ZNF132: variants seen among roughly 807,000 people sequenced by gnomAD.
ZNF132 encodes the protein zinc finger protein 132, also known as zinc finger protein 132 (clone pHZ-12).
Under a neutral mutation model 9.3 loss-of-function variants are expected in ZNF132, and 6 were observed. The observed-to-expected ratio is 0.65, with a 90% confidence interval of 0.35 to 1.28. The LOEUF is 1.28. Among genes scored for constraint, ZNF132 ranks in the 50% most tolerant of loss-of-function variants. The pLI is 0.03. For synonymous variants in ZNF132, 296 were observed against 292.0 expected (o/e 1.01, Z -0.14); for missense variants, 877 against 843.2 (o/e 1.04, Z -0.50).
Position 58,433,645 on chromosome 19 carries a change from T to G in ZNF132, c.1799A>C (p.Lys600Thr). The change falls in exon 3 of 3, where the codon AAA (lysine) becomes ACA (threonine). Residue 600 changes from lysine (K) to threonine (T), a missense_variant. Physicochemically the swap from Lys to Thr is moderately conservative, Grantham distance 78. Transcript: ENST00000254166. The part of the protein sequence containing the change: ...QKVHTGEKPY[K>T]CSECGKFFSR... ...AAAGAATTTCCCACATTCACTGCAT[T>G]TATAAGGCTTTTCTCCAGTATGAAC... 2 of 1,614,164 alleles carry G rather than the reference T, an allele frequency of 1.2e-6. No homozygotes were observed. Among genetic ancestry groups the G allele is most frequent in the Non-Finnish European group, 1.7e-6 (2 of 1,180,018 alleles).
At position 58,434,470 on chromosome 19, in the gene ZNF132, C is replaced by T; in HGVS notation, c.974G>A (p.Gly325Glu). 2 of 1,614,182 alleles carry T rather than the reference C, an allele frequency of 1.2e-6. No homozygotes were observed. ...TGTGAGTTTGTGGTTGAAGGTTTTC[C>T]CACATGCAATGCACTCATAATATTT... The part of the protein sequence containing the change: ...EVKYYECIAC[G>E]KTFNHKLTFV... The change falls in exon 3 of 3, where the codon GGG (glycine) becomes GAG (glutamate). Residue 325 changes from glycine (G) to glutamate (E), a missense_variant. Physicochemically the swap from Gly to Glu is moderately conservative, Grantham distance 98. Transcript: ENST00000254166.
At chr19:58,435,261 G>C (rs140091646) in intron 2 of ZNF132, 50 bp from the exon 3 acceptor site, 2 of 1,560,800 alleles carry the variant, frequency 1.3e-6, no homozygotes, top group African/African-American at 1.4e-5. Flanking sequence ...TGGTGGGAAT[G>C]GTTGACTTCA....
At chr19:58,437,720 G>A (rs2052780924) in intron 1 of ZNF132, 5 of 985,260 alleles carry the variant, frequency 5.1e-6, no homozygotes, top group Non-Finnish European at 6.0e-6. Flanking sequence ...CATGCACATG[G>A]CATACCTGAC....
Position 58,437,218 on chromosome 19 carries a change from G to GA in ZNF132, c.64-4dup. The GA allele has an allele frequency of 6.3e-7, 1 of 1,582,564 alleles. No homozygotes were observed. Among genetic ancestry groups the GA allele is most frequent in the Non-Finnish European group, 8.6e-7 (1 of 1,166,252 alleles). Reference sequence around the variant, plus strand: ...GAGCCACAGGGCCAAGAAGTATGCTGACAAAGAAACAAACAATTGGTCAAA... The same window carrying GA: ...GAGCCACAGGGCCAAGAAGTATGCTGAACAAAGAAACAAACAATTGGTCAAA... On this transcript the variant is annotated splice_region_variant and splice_polypyrimidine_tract_variant and intron_variant, in intron 1 of 2. Coordinates refer to ENST00000254166, the MANE Select transcript of ZNF132 (RefSeq NM_003433.4).
chr19:58,436,871 G>T, intron 2 of ZNF132, 176 bp downstream of exon 2: 2 of 883,140 alleles, frequency 2.3e-6, no homozygotes, highest in African/African-American at 1.6e-5. Context: ...TCATGAGGCT[G>T]CTCAGAGAGA....
Position 58,435,218 on chromosome 19 carries a change from G to A in ZNF132, c.233-7C>T, listed in dbSNP as rs748954844. ...TCTACTCCATGCCAAGAACCTGAAA[G>A]TAGAGAAATGCCAGTTAACTAAGAA... On this transcript the variant is annotated splice_polypyrimidine_tract_variant and splice_region_variant and intron_variant, in intron 2 of 2. Coordinates refer to ENST00000254166, the MANE Select transcript of ZNF132 (RefSeq NM_003433.4). 9 of 1,596,864 alleles carry A rather than the reference G, an allele frequency of 5.6e-6. No homozygotes were observed. The highest frequency in any genetic ancestry group is 7.7e-6 in the Non-Finnish European group (9 of 1,171,300).
Position 58,433,907 on chromosome 19 carries a change from T to C in ZNF132, c.1537A>G (p.Arg513Gly), listed in dbSNP as rs2052757223. ...CTACATTCGCTGCACTCATAAGGCC[T>C]TTGCCCAGTATGTACTTTCTGGTGC... Reference protein sequence around the residue: ...IQHQKVHTGQRPYECSECRKS... With the variant: ...IQHQKVHTGQGPYECSECRKS... Residue 513 changes from arginine (R) to glycine (G), a missense_variant, in exon 3 of 3, where the codon AGG (arginine) becomes GGG (glycine). By Grantham distance (125) the Arg-to-Gly change is moderately radical. Transcript: ENST00000254166. The C allele has an allele frequency of 1.2e-6, 2 of 1,614,078 alleles. No individual in the cohort carries two copies. Among genetic ancestry groups the C allele is most frequent in the African/African-American group, 2.7e-5 (2 of 74,926 alleles).
rs1281344401 is a variant in ZNF132, at chr19:58,434,488, T to G, written c.956A>C (p.Tyr319Ser). ...GGTTTTCCCACATGCAATGCACTCA[T>G]AATATTTTACTTCAGTGTGAAATTT... ...HQKFHTEVKY[Y>S]ECIACGKTFN... Residue 319 changes from tyrosine to serine, a missense_variant, in exon 3 of 3, where the codon TAT (tyrosine) becomes TCT (serine). Coordinates refer to ENST00000254166, the MANE Select transcript of ZNF132 (RefSeq NM_003433.4). 1 of 1,614,212 alleles carries G rather than the reference T, an allele frequency of 6.2e-7. No homozygotes were observed. The highest frequency in any genetic ancestry group is 1.7e-5 in the Admixed American group (1 of 60,030).
rs1568597270 is a variant in ZNF132 at position 58,434,859 on chromosome 19, C to A, written c.585G>T (p.Arg195Ser). The change falls in exon 3 of 3, where the codon AGG (arginine) becomes AGT (serine). Residue 195 changes from arginine to serine, a missense_variant. Transcript: ENST00000254166. ...VHLSENPFTC[R>S]EGGKVILGSC... ...TGCCCAGGATGACCTTCCCACCTTCCCTGCAAGTGAAGGGGTTCTCTGACA... is the reference window on the plus strand; with the variant it reads ...TGCCCAGGATGACCTTCCCACCTTCACTGCAAGTGAAGGGGTTCTCTGACA... 6 of 1,614,144 alleles carry A rather than the reference C, an allele frequency of 3.7e-6. No homozygotes were observed. The highest frequency in any genetic ancestry group is 5.1e-6 in the Non-Finnish European group (6 of 1,180,012).
At position 58,433,411 on chromosome 19, in the gene ZNF132, G is replaced by C. The variant is rs78565560; in HGVS notation, c.2033C>G (p.Thr678Ser). The C allele has an allele frequency of 5.6e-6, 9 of 1,614,136 alleles. No individual in the cohort carries two copies. Among genetic ancestry groups the C allele is most frequent in the Non-Finnish European group, 7.6e-6 (9 of 1,180,036 alleles). The change falls in exon 3 of 3, where the codon ACC becomes AGC. Residue 678 changes from threonine to serine, a missense_variant. Transcript: ENST00000254166. ...GCTACACTCATAAGTCCTTTCTCTG[G>C]TGTGAACTTTCTGGTGCCGAACAAG... is the stretch of plus-strand genomic sequence containing the variant. ...STLVRHQKVH[T>S]RERTYECSQC...
At position 58,434,606 on chromosome 19, in the gene ZNF132, C is replaced by G. The variant is rs774869615; in HGVS notation, c.838G>C (p.Gly280Arg). Residue 280 changes from glycine to arginine, a missense_variant, in exon 3 of 3, where the codon GGT becomes CGT. Transcript: ENST00000254166. The stretch of plus-strand genomic sequence containing the variant: ...TCCCCAGTGTGAAACTTTTTATTAC[C>G]AAGGATTGATTTCTCCTCTAAGAAA... ...GNFLEEKSIL[G>R]NKKFHTGEIP... 2 of 1,613,968 alleles carry G rather than the reference C, an allele frequency of 1.2e-6. No individual in the cohort carries two copies. The highest frequency in any genetic ancestry group is 2.2e-5 in the East Asian group (1 of 44,906).
rs1315126534 is a variant in ZNF132 at position 58,436,661 on chromosome 19, C to A, written c.232+386G>T. ...CCAGCCTGGGGGACAGAGCAAGACT[C>A]CATCTCAAAAAAAAAAAAAAAAAAA... On this transcript the variant is annotated intron_variant, in intron 2 of 2. Transcript: ENST00000254166. Among the ~76,000 whole-genome samples, 4 of 127,726 alleles carry A rather than the reference C, an allele frequency of 3.1e-5. No homozygotes were observed. In the Admixed American group the frequency reaches 3.5e-4, roughly 11 times the overall value. 83.8% of individuals were successfully genotyped at this position (127,726 alleles called of 152,430 possible).
chr19:58,439,997 T>C lies in ZNF132; in HGVS notation c.-176A>G. ...GAGACGCGTGGCGCTGGCTCCACTT[T>C]CGGGAACACCTTGGCTCATAAAAGC... On this transcript the variant is annotated 5_prime_UTR_variant, in exon 1 of 3. Coordinates refer to ENST00000254166, the MANE Select transcript of ZNF132 (RefSeq NM_003433.4). 3.1e-6 allele frequency: 2 copies of C among 636,992 alleles called. No individual in the cohort carries two copies. Among genetic ancestry groups the C allele is most frequent in the South Asian group, 3.8e-5 (2 of 53,116 alleles). The allele number at this position is 636,992 out of a possible 1,614,324, so 39.5% of individuals were successfully genotyped here. A position where few individuals can be genotyped will look rare whatever the true frequency, so the allele number is the denominator to read the frequency against.
chr19:58,434,837 C>T lies in ZNF132; in HGVS notation c.607G>A (p.Gly203Ser), dbSNP rs1323786680. 6.8e-6 allele frequency: 11 copies of T among 1,614,052 alleles called. No individual in the cohort carries two copies. Among genetic ancestry groups the T allele is most frequent in the Non-Finnish European group, 9.3e-6 (11 of 1,180,038 alleles). Residue 203 changes from glycine (G) to serine (S), a missense_variant, in exon 3 of 3, where the codon GGC becomes AGC. By Grantham distance (56) the Gly-to-Ser change is moderately conservative. Coordinates refer to ENST00000254166, the MANE Select transcript of ZNF132 (RefSeq NM_003433.4). ...TGAAGCTGGAGGAGGTCACAGCTGC[C>T]CAGGATGACCTTCCCACCTTCCCTG... ...TCREGGKVIL[G>S]SCDLLQLQAV...
rs753088504 is a variant in ZNF132 at position 58,434,852 on chromosome 19, C to T, written c.592G>A (p.Gly198Arg). 1 of 1,614,136 alleles carries T rather than the reference C, an allele frequency of 6.2e-7. No homozygotes were observed. The highest frequency in any genetic ancestry group is 1.7e-5 in the Admixed American group (1 of 60,016). The change falls in exon 3 of 3, where the codon GGG becomes AGG. Residue 198 changes from glycine (G) to arginine (R), a missense_variant. Transcript: ENST00000254166. ...TCACAGCTGCCCAGGATGACCTTCC[C>T]ACCTTCCCTGCAAGTGAAGGGGTTC... The part of the protein sequence containing the change: ...SENPFTCREG[G>R]KVILGSCDLL...
At chr19:58,439,190 T>A (rs2052788757) in intron 1 of ZNF132, among the ~76,000 whole-genome samples, 1 of 152,192 alleles carries the variant, frequency 6.6e-6, no homozygotes, top group Non-Finnish European at 1.5e-5. Flanking sequence ...CACCCCTCTG[T>A]CCAGCTACCC....
chr19:58,439,686 C>T (rs892910593), intron 1 of ZNF132, 73 bp downstream of exon 1: 1 of 1,435,094 alleles, frequency 7.0e-7, no homozygotes. Flanking sequence ...CACCAACATC[C>T]CCTCTATCTG....
chr19:58,438,623 A>G (rs916581948), intron 1 of ZNF132, among the ~76,000 whole-genome samples: 43 of 151,680 alleles, frequency 2.8e-4, no homozygotes, highest in African/African-American at 9.2e-4. Flanking sequence ...ACAGGCACCC[A>G]CCACCACGCC....
rs749259367 is a variant in ZNF132, at chr19:58,433,280, G to A, written c.*43C>T. ...GATTCTGCTGCATGAAGTTTGACTT[G>A]GCTGAAGATTTTCTCACAAAGACCA... On this transcript the variant is annotated 3_prime_UTR_variant, in exon 3 of 3. Transcript: ENST00000254166. 3.2e-6 allele frequency: 5 copies of A among 1,564,272 alleles called. No homozygotes were observed. The highest frequency in any genetic ancestry group is 4.3e-6 in the Non-Finnish European group (5 of 1,152,786).
Sources: gnomAD v4.1 joint callset for allele counts (sites outside exome capture counted in the v4.1 genomes callset) on GRCh38, gnomAD v4.1.1 for gene constraint, MANE v1.5 for transcripts, NCBI Gene and HGNC (gene_info 2026-07-23, HGNC 2026-07-21) for gene names.